Variants in PCMT1 observed in about 807,000 individuals in gnomAD.
The protein encoded by PCMT1 is protein-L-isoaspartate(D-aspartate) O-methyltransferase.
A neutral mutation model predicts 29.2 loss-of-function variants in PCMT1; 9 were observed. That is an observed-to-expected ratio of 0.31 (90% confidence interval 0.19 to 0.54). The LOEUF is 0.54. Among genes scored for constraint, PCMT1 ranks in the 20% least tolerant of loss-of-function variants. The probability of loss-of-function intolerance (pLI) is 0.95; values close to 1 mark genes in which losing one functional copy is unlikely to be tolerated. For synonymous variants in PCMT1, 98 were observed against 97.5 expected, an observed-to-expected ratio of 1.00 and a Z score of -0.03; for missense variants, 184 against 282.2, an observed-to-expected ratio of 0.65 and a Z score of 2.49.
chr6:149,764,601 G>A (rs1055716084), intron 1 of PCMT1, among the ~76,000 whole-genome samples: 1 of 152,134 alleles, frequency 6.6e-6, no homozygotes, highest in African/African-American at 2.4e-5. Flanking sequence ...TTAGCCGAGT[G>A]TGGTGGCATG....
At chr6:149,804,029 C>T (rs924351481) in intron 7 of PCMT1, among the ~76,000 whole-genome samples, 2 of 131,902 alleles carry the variant, frequency 1.5e-5, no homozygotes, top group African/African-American at 6.1e-5. Flanking sequence ...TGCAGTGAGT[C>T]GAGATCACAC....
chr6:149,761,188 C>T (rs541595341), intron 1 of PCMT1, among the ~76,000 whole-genome samples: 455 of 151,178 alleles, frequency 3.0e-3, no homozygotes, highest in Non-Finnish European at 4.4e-3. Flanking sequence ...TACACACACA[C>T]ACACACATAA....
chr6:149,757,141 G>A (rs910298715), intron 1 of PCMT1, among the ~76,000 whole-genome samples: 4 of 151,974 alleles, frequency 2.6e-5, no homozygotes, highest in Non-Finnish European at 5.9e-5. Context: ...GTGAAAAAGC[G>A]AAACTGCCTC....
At chr6:149,785,053 G>C (rs1331084733) in intron 3 of PCMT1, among the ~76,000 whole-genome samples, 2 of 151,468 alleles carry the variant, frequency 1.3e-5, no homozygotes, top group Non-Finnish European at 2.9e-5. Flanking sequence ...AATTTTTAAA[G>C]AAAGACCCCT....
intron 1 of PCMT1, among the ~76,000 whole-genome samples, chr6:149,767,798 CGTTT>C (rs144542815): frequency 0.47 from 69,885 of 147,144 alleles, 17,498 homozygotes; most frequent in East Asian, 0.83. Flanking sequence ...ATTTTTTGTT[CGTTT>C]GTTTGTTTTG....
intron 1 of PCMT1, among the ~76,000 whole-genome samples, chr6:149,768,876 C>A (rs543079031): frequency 1.3e-5 from 2 of 152,190 alleles, no homozygotes; most frequent in Non-Finnish European, 2.9e-5. Flanking sequence ...ATCCGCCTAC[C>A]TCAGCCTCCC....
chr6:149,759,919 T>A (rs1034258698), intron 1 of PCMT1, among the ~76,000 whole-genome samples: 1 of 152,226 alleles, frequency 6.6e-6, no homozygotes, highest in Non-Finnish European at 1.5e-5. Context: ...TTTCAGACTG[T>A]CATCAGATTA....
chr6:149,797,756 T>C (rs895878061), intron 6 of PCMT1: 5 of 152,214 alleles, frequency 3.3e-5, no homozygotes, highest in African/African-American at 9.6e-5. Flanking sequence ...ATCCGTTTTT[T>C]TGGTAGGCTT....
intron 2 of PCMT1, chr6:149,772,529 A>G (rs756010585): frequency 9.0e-6 from 4 of 444,558 alleles, no homozygotes; most frequent in African/African-American, 6.1e-5. Flanking sequence ...TCAACTCTCA[A>G]CTTACTGAAA....
intron 1 of PCMT1, among the ~76,000 whole-genome samples, chr6:149,758,532 A>G (rs969737057): frequency 6.6e-6 from 1 of 151,590 alleles, no homozygotes; most frequent in African/African-American, 2.4e-5. Context: ...TTTTTTTAAT[A>G]GTGTTATGGA....
intron 6 of PCMT1, among the ~76,000 whole-genome samples, chr6:149,798,385 A>G (rs1044854285): frequency 1.3e-5 from 2 of 152,180 alleles, no homozygotes; most frequent in African/African-American, 4.8e-5. Context: ...GGGTGGGTGC[A>G]GGGCCCATTT....
At chr6:149,796,104 C>T (rs183414104) in intron 5 of PCMT1, 35 of 214,750 alleles carry the variant, frequency 1.6e-4, no homozygotes, top group Admixed American at 2.8e-4. Context: ...GAGGCTGAGG[C>T]GGGTGGATCA....
chr6:149,793,957 T>C (rs1054840698), intron 5 of PCMT1, among the ~76,000 whole-genome samples: 26 of 152,198 alleles, frequency 1.7e-4, no homozygotes, highest in Admixed American at 1.7e-3. Context: ...GATATTGGAT[T>C]GCTTGTATTT....
At chr6:149,778,658 C>T (rs1451974886) in intron 3 of PCMT1, among the ~76,000 whole-genome samples, 2 of 152,116 alleles carry the variant, frequency 1.3e-5, no homozygotes, top group Non-Finnish European at 2.9e-5. Flanking sequence ...CCACCTTAGC[C>T]TCCTGAGTAG....
intron 1 of PCMT1, chr6:149,765,749 C>T: frequency 3.0e-6 from 1 of 332,716 alleles, no homozygotes; most frequent in Non-Finnish European, 5.7e-6. Context: ...GGTGGATCAC[C>T]TAAGGTCAGG....
intron 6 of PCMT1, among the ~76,000 whole-genome samples, chr6:149,800,176 A>G (rs1404112463): frequency 3.9e-5 from 6 of 152,112 alleles, no homozygotes; most frequent in African/African-American, 1.4e-4. Flanking sequence ...ATCCAAAGTA[A>G]GGTTTCTGGC....
At chr6:149,761,257 A>ATGTG (rs75507681) in intron 1 of PCMT1, among the ~76,000 whole-genome samples, 9 of 147,104 alleles carry the variant, frequency 6.1e-5, no homozygotes, top group Non-Finnish European at 9.1e-5. Flanking sequence ...TGTAAGGGTG[A>ATGTG]TGTGTGTGTG....
chr6:149,789,097 G>A (rs1034756180), intron 3 of PCMT1, among the ~76,000 whole-genome samples: 8 of 120,950 alleles, frequency 6.6e-5, no homozygotes, highest in Non-Finnish European at 1.2e-4. Context: ...TTTTTGAGAT[G>A]GAGTCTCGCT....
intron 5 of PCMT1, among the ~76,000 whole-genome samples, chr6:149,793,974 T>C (rs980770144): frequency 1.3e-5 from 2 of 152,198 alleles, no homozygotes; most frequent in African/African-American, 4.8e-5. Context: ...ATTTTTGACT[T>C]ACAGGGCTTC....
Sources: gnomAD v4.1 joint callset for allele counts (sites outside exome capture counted in the v4.1 genomes callset) on GRCh38, gnomAD v4.1.1 for gene constraint, MANE v1.5 for transcripts, NCBI Gene and HGNC (gene_info 2026-07-23, HGNC 2026-07-21) for gene names.